Variants in NLGN1 observed in about 807,000 individuals in gnomAD.
The protein encoded by NLGN1 is neuroligin 1, also known as neuroligin-1.
Under a neutral mutation model 65.5 loss-of-function variants are expected in NLGN1, and 12 were observed. The ratio of observed to expected loss-of-function variants is 0.18; its 90% CI spans 0.12 to 0.30. The LOEUF (loss-of-function observed/expected upper bound fraction) is 0.30. Among genes scored for constraint, NLGN1 ranks in the 10% least tolerant of loss-of-function variants. The pLI is 1.00. For synonymous variants in NLGN1, 350 were observed against 359.5 expected, an observed-to-expected ratio of 0.97 and a Z score of 0.30; for missense variants, 750 against 1,007.1, an observed-to-expected ratio of 0.74 and a Z score of 3.46.
intron 4 of NLGN1, among the ~76,000 whole-genome samples, chr3:174,029,305 T>G (rs749918382): frequency 6.6e-6 from 1 of 152,168 alleles, no homozygotes; most frequent in Non-Finnish European, 1.5e-5. Flanking sequence ...CTTGCATCAG[T>G]GTGACCTGGA....
At chr3:173,431,602 T>C (rs181954616) in intron 1 of NLGN1, among the ~76,000 whole-genome samples, 14 of 152,298 alleles carry the variant, frequency 9.2e-5, no homozygotes, top group Admixed American at 9.2e-4. Context: ...GTAAAATTGA[T>C]TGGAAGATGC....
At chr3:173,600,936 A>T (rs370265521) in intron 2 of NLGN1, among the ~76,000 whole-genome samples, 3 of 152,138 alleles carry the variant, frequency 2.0e-5, no homozygotes, top group African/African-American at 7.2e-5. Context: ...AGTTTCTCAG[A>T]AACAAACTAG....
chr3:174,145,433 A>T (rs1007613815), intron 4 of NLGN1, among the ~76,000 whole-genome samples: 3 of 152,106 alleles, frequency 2.0e-5, no homozygotes, highest in Non-Finnish European at 4.4e-5. Context: ...GAATTGCTTG[A>T]ATCCGGGAAG....
In NLGN1 at chr3:173,430,462, T is replaced by C. The variant is rs533654632; in HGVS notation, c.-389-4548T>C. Among the ~76,000 whole-genome samples the C allele has an allele frequency of 3.9e-5, 6 of 152,350 alleles. No individual in the cohort carries two copies. The East Asian group carries it at 1.2e-3, about 29-fold the overall frequency. ...GTCTGATATTTCTTCATGATTACTT[T>C]TATAAGATGTATCTTTTGGAAAAAT... is the stretch of plus-strand genomic sequence containing the variant. On this transcript the variant is annotated intron_variant, in intron 1 of 6. Coordinates refer to ENST00000457714, the Ensembl canonical transcript of NLGN1.
chr3:173,506,175 A>G (rs139367313), intron 2 of NLGN1, among the ~76,000 whole-genome samples: 307 of 152,064 alleles, frequency 2.0e-3, no homozygotes, highest in African/African-American at 7.3e-3. Flanking sequence ...GGAATTTTCT[A>G]TCCTCTTGAA....
chr3:173,582,856 T>A (rs979947947), intron 2 of NLGN1, among the ~76,000 whole-genome samples: 1 of 152,180 alleles, frequency 6.6e-6, no homozygotes, highest in Non-Finnish European at 1.5e-5. Flanking sequence ...ATCATAAAGC[T>A]ATTTCCCTCT....
At chr3:174,052,884 C>T (rs1735223964) in intron 4 of NLGN1, among the ~76,000 whole-genome samples, 1 of 152,014 alleles carries the variant, frequency 6.6e-6, no homozygotes, top group Admixed American at 6.6e-5. Context: ...AAGCCACCTG[C>T]TTTGTGCAAG....
rs144072497 is a variant in NLGN1, at chr3:174,200,434, A to G, written c.647-74881A>G. ...TTCCTTCATTGTTCCTGTCATTTAT[A>G]CACCAAATGTAAACTAAGTTCTTAC... On this transcript the variant is annotated intron_variant, in intron 4 of 6. Coordinates refer to ENST00000457714, the Ensembl canonical transcript of NLGN1. 8.7e-3 allele frequency among the ~76,000 whole-genome samples: 1,324 copies of G among 152,312 alleles called. 7 individuals carry two copies. Among genetic ancestry groups the G allele is most frequent in the Non-Finnish European group, 0.014 (978 of 68,018 alleles).
chr3:174,118,711 C>T (rs545588650), intron 4 of NLGN1, among the ~76,000 whole-genome samples: 109 of 152,120 alleles, frequency 7.2e-4, no homozygotes, highest in Non-Finnish European at 1.3e-3. Flanking sequence ...CATGTGCCTA[C>T]CTTCATGATC....
intron 4 of NLGN1, among the ~76,000 whole-genome samples, chr3:174,124,550 T>TATATATACGTATATATACGTATACAC (rs1406350814): frequency 1.1e-4 from 16 of 147,346 alleles, no homozygotes; most frequent in South Asian, 2.1e-4. Context: ...CATATACTTA[T>TATATATACGTATATATACGTATACAC]ATATATACGT....
At position 173,568,480 on chromosome 3, in the gene NLGN1, C is replaced by A. The variant is rs1299767444; in HGVS notation, c.-320-35799C>A. Reference sequence around the variant, plus strand: ...AACTCCTGACCTCAAAGTGAACCACCCGCCTCGGCCTCCCAAATTGTTGGG... The same window carrying A: ...AACTCCTGACCTCAAAGTGAACCACACGCCTCGGCCTCCCAAATTGTTGGG... On this transcript the variant is annotated intron_variant, in intron 2 of 6. Coordinates refer to ENST00000457714, the Ensembl canonical transcript of NLGN1. Among the ~76,000 whole-genome samples the A allele has an allele frequency of 2.0e-5, 3 of 152,114 alleles. No homozygotes were observed. In the East Asian group the frequency reaches 5.8e-4, roughly 29 times the overall value.
chr3:173,642,233 T>C (rs1228376495), intron 3 of NLGN1, among the ~76,000 whole-genome samples: 2 of 152,028 alleles, frequency 1.3e-5, no homozygotes. Flanking sequence ...GAACAAATCC[T>C]GAGAAACAAA....
intron 4 of NLGN1, among the ~76,000 whole-genome samples, chr3:173,934,247 T>C (rs1277101941): frequency 7.4e-5 from 11 of 148,920 alleles, no homozygotes; most frequent in African/African-American, 2.4e-4. Context: ...TGTACTATTA[T>C]AGTATATAAT....
chr3:174,157,892 A>C (rs879011038), intron 4 of NLGN1, among the ~76,000 whole-genome samples: 2 of 151,516 alleles, frequency 1.3e-5, no homozygotes, highest in Admixed American at 1.3e-4. Flanking sequence ...TAGAACACTC[A>C]CTCCCACTAT....
intron 3 of NLGN1, among the ~76,000 whole-genome samples, chr3:173,698,998 A>G (rs1766683713): frequency 6.6e-6 from 1 of 152,030 alleles, no homozygotes; most frequent in Admixed American, 6.6e-5. Context: ...CTGGGATTAC[A>G]CGCATGCGCC....
chr3:174,270,429 C>A (rs575872358), intron 4 of NLGN1, among the ~76,000 whole-genome samples: 2 of 151,588 alleles, frequency 1.3e-5, no homozygotes, highest in Admixed American at 1.3e-4. Flanking sequence ...GTCTTGGCAC[C>A]TTTGTCAAGA....
At chr3:174,169,381 C>A (rs538307465) in intron 4 of NLGN1, among the ~76,000 whole-genome samples, 1 of 152,168 alleles carries the variant, frequency 6.6e-6, no homozygotes, top group South Asian at 2.1e-4. Context: ...GGTGATCAGG[C>A]TGCTCCTAAT....
At chr3:174,031,968 T>C (rs1248500216) in intron 4 of NLGN1, among the ~76,000 whole-genome samples, 1 of 151,972 alleles carries the variant, frequency 6.6e-6, no homozygotes, top group African/African-American at 2.4e-5. Flanking sequence ...ATAGTTATTA[T>C]ATATTTTCTT....
chr3:173,707,467 A>G (rs1768214815), intron 3 of NLGN1, among the ~76,000 whole-genome samples: 1 of 152,148 alleles, frequency 6.6e-6, no homozygotes, highest in Admixed American at 6.5e-5. Flanking sequence ...TACTGGCTTG[A>G]CAGTGCTTTG....
Sources: allele counts gnomAD v4.1 joint callset (sites outside exome capture counted in the v4.1 genomes callset), GRCh38; gene constraint gnomAD v4.1.1; transcripts MANE v1.5; gene names NCBI Gene and HGNC (gene_info 2026-07-23, HGNC 2026-07-21).